WDPCP: variants seen among roughly 807,000 people sequenced by gnomAD.
WDPCP encodes the protein WD repeat containing planar cell polarity effector, also known as WD repeat-containing and planar cell polarity effector protein fritz homolog.
Under a neutral mutation model 93.1 loss-of-function variants are expected in WDPCP, and 71 were observed. That is an observed-to-expected ratio of 0.76 (90% CI 0.63 to 0.93). The LOEUF is 0.93. Ranked by LOEUF, WDPCP falls within the 40% of genes least tolerant of loss-of-function variation. WDPCP has a pLI of 0.00. For synonymous variants in WDPCP, 315 were observed against 315.0 expected (o/e 1.00, Z 0.00); for missense variants, 844 against 887.4 (o/e 0.95, Z 0.62).
chr2:63,473,359 A>C (rs1442463311), intron 6 of WDPCP, among the ~76,000 whole-genome samples: 1 of 152,070 alleles, frequency 6.6e-6, no homozygotes, highest in Non-Finnish European at 1.5e-5. Flanking sequence ...TAGCCACCTC[A>C]TGTTTACTTT....
At chr2:63,801,841 C>T (rs532907267) in intron 2 of WDPCP, among the ~76,000 whole-genome samples, 2 of 152,208 alleles carry the variant, frequency 1.3e-5, no homozygotes, top group East Asian at 3.9e-4. Context: ...ACAAAGCAAG[C>T]GATCCAAGAG....
the WDPCP span, among the ~76,000 whole-genome samples, chr2:63,834,925 T>C: frequency 6.6e-6 from 1 of 152,214 alleles, no homozygotes; most frequent in Admixed American, 6.5e-5. Flanking sequence ...GTCTGACTGA[T>C]CCAACAATGC....
intron 11 of WDPCP, 100 bp from the exon 12 acceptor site, chr2:63,378,609 T>C: frequency 6.7e-7 from 1 of 1,499,532 alleles, no homozygotes; most frequent in Non-Finnish European, 9.2e-7. Context: ...CAGACTTGGA[T>C]GAAACATGAA....
At chr2:63,439,977 G>A in intron 6 of WDPCP, 106 bp from the exon 7 acceptor site, 1 of 757,764 alleles carries the variant, frequency 1.3e-6, no homozygotes, top group South Asian at 1.5e-5. Flanking sequence ...TTTTACACAT[G>A]CATCTACACT....
intron 2 of WDPCP, among the ~76,000 whole-genome samples, chr2:63,742,560 G>A (rs114618284): frequency 0.014 from 2,113 of 151,268 alleles, 55 homozygotes; most frequent in South Asian, 0.092. Context: ...TAAAAGCCTC[G>A]TCTTGTTCAA....
chr2:63,535,068 T>C lies in WDPCP; in HGVS notation c.76-42128A>G, dbSNP rs561334603. ...CACAAGCATTCCTATACACCAATAA[T>C]AGACAAACAGAGAGCCAAATCATGA... On this transcript the variant is annotated intron_variant, in intron 1 of 17. Transcript: ENST00000272321. Among the ~76,000 whole-genome samples the C allele has an allele frequency of 2.1e-3, 314 of 152,052 alleles. 1 individual carries two copies. Among genetic ancestry groups the C allele is most frequent in the African/African-American group, 6.6e-3 (273 of 41,490 alleles).
chr2:63,661,471 C>T (rs578043488), intron 2 of WDPCP, among the ~76,000 whole-genome samples: 2 of 152,154 alleles, frequency 1.3e-5, no homozygotes, highest in Non-Finnish European at 2.9e-5. Flanking sequence ...ATGTTCTTAT[C>T]ACCTAGTACA....
intron 1 of WDPCP, among the ~76,000 whole-genome samples, chr2:63,509,188 A>C (rs1702068111): frequency 6.6e-6 from 1 of 152,164 alleles, no homozygotes. Flanking sequence ...TGGAAGTAAA[A>C]CACTCCTCAG....
At chr2:63,744,237 T>C (rs1441720789) in intron 2 of WDPCP, among the ~76,000 whole-genome samples, 1 of 152,114 alleles carries the variant, frequency 6.6e-6, no homozygotes. Flanking sequence ...AAATGGTGCC[T>C]TCTTCTTTGT....
At chr2:63,591,695 A>G (rs1709204562), upstream of WDPCP, among the ~76,000 whole-genome samples, 1 of 152,238 alleles carries the variant, frequency 6.6e-6, no homozygotes, top group Non-Finnish European at 1.5e-5. Flanking sequence ...TTTTGTGGAA[A>G]TGCAAATCCA....
intron 13 of WDPCP, among the ~76,000 whole-genome samples, chr2:63,292,630 A>G (rs1184299013): frequency 6.6e-6 from 1 of 152,196 alleles, no homozygotes; most frequent in Non-Finnish European, 1.5e-5. Context: ...GGACCACAAT[A>G]AAGACTTCTG....
upstream of WDPCP, among the ~76,000 whole-genome samples, chr2:63,829,782 T>G (rs1322931555): frequency 2.0e-5 from 3 of 152,146 alleles, no homozygotes; most frequent in Non-Finnish European, 4.4e-5. Flanking sequence ...TTGTGCATTT[T>G]GTCTTAAATT....
At chr2:63,507,325 T>C (rs1359359972) in intron 1 of WDPCP, among the ~76,000 whole-genome samples, 1 of 152,092 alleles carries the variant, frequency 6.6e-6, no homozygotes, top group Non-Finnish European at 1.5e-5. Flanking sequence ...CACTGGGAGT[T>C]GTTAGAAGAC....
chr2:63,445,283 C>A (rs1417604170), intron 6 of WDPCP, among the ~76,000 whole-genome samples: 2 of 151,924 alleles, frequency 1.3e-5, no homozygotes, highest in Non-Finnish European at 2.9e-5. Flanking sequence ...AAGAAATAAA[C>A]AAGTATTTTT....
chr2:63,142,953 C>T lies in WDPCP; in HGVS notation c.2190+9961G>A, dbSNP rs1358981273. Among the ~76,000 whole-genome samples the T allele has an allele frequency of 6.0e-5, 9 of 151,148 alleles. No homozygotes were observed. The East Asian group carries it at 1.8e-3, about 30-fold the overall frequency. On this transcript the variant is annotated intron_variant, in intron 17 of 17. Coordinates refer to ENST00000272321, the MANE Select transcript of WDPCP (RefSeq NM_015910.7). ...ACACACACACACACACACACACACC[C>T]ATCTATATACATATTTTGAGACAGA...
chr2:63,808,758 C>T (rs999708800), intron 2 of WDPCP, among the ~76,000 whole-genome samples: 2 of 152,190 alleles, frequency 1.3e-5, no homozygotes, highest in South Asian at 2.1e-4. Flanking sequence ...TCTGCCTGGC[C>T]GCCACCCCGT....
chr2:63,680,884 GAGAGGCACCCATTCC>G (rs1388801002), intron 2 of WDPCP, among the ~76,000 whole-genome samples: 1 of 152,082 alleles, frequency 6.6e-6, no homozygotes, highest in Non-Finnish European at 1.5e-5. Flanking sequence ...GGGCAGAGTT[GAGAGGCACCCATTCC>G]AGGCCCTAGC....
At chr2:63,159,327 G>A (rs557076651) in intron 15 of WDPCP, among the ~76,000 whole-genome samples, 9 of 151,964 alleles carry the variant, frequency 5.9e-5, no homozygotes, top group Middle Eastern at 3.4e-3. Context: ...CTGGGCTCAA[G>A]TGATCTTCCT....
chr2:63,362,122 T>C (rs137879575), intron 12 of WDPCP, among the ~76,000 whole-genome samples: 8 of 152,266 alleles, frequency 5.3e-5, no homozygotes, highest in Non-Finnish European at 1.0e-4. Flanking sequence ...TACAAGTTAC[T>C]GTTGACTATA....
Sources: allele counts gnomAD v4.1 joint callset (sites outside exome capture counted in the v4.1 genomes callset), GRCh38; gene constraint gnomAD v4.1.1; transcripts MANE v1.5; gene names NCBI Gene and HGNC (gene_info 2026-07-23, HGNC 2026-07-21).